The following SYTL2 variants were observed in gnomAD, a reference collection of about 807,000 sequenced individuals.
The protein encoded by SYTL2 is synaptotagmin like 2, also known as synaptotagmin-like protein 2.
SYTL2 carries 165 observed loss-of-function variants against 198.7 expected under a neutral mutation model. The observed-to-expected ratio is 0.83, with a 90% CI of 0.73 to 0.94. The LOEUF is 0.94. Ranked by LOEUF, SYTL2 falls within the 40% of genes least tolerant of loss-of-function variation. The pLI, the probability that SYTL2 is intolerant of heterozygous loss-of-function variation, is 0.00. For missense variants in SYTL2, 2,835 were observed against 2,582.8 expected, an observed-to-expected ratio of 1.10 and a Z score of -2.12; for synonymous variants, 966 against 917.7, an observed-to-expected ratio of 1.05 and a Z score of -0.95.
intron 1 of SYTL2, among the ~76,000 whole-genome samples, chr11:85,783,027 T>C (rs566933742): frequency 6.6e-6 from 1 of 152,374 alleles, no homozygotes; most frequent in South Asian, 2.1e-4. Context: ...CGCTTCCACA[T>C]TTTTGGATAT....
At chr11:85,768,471 T>C (rs2092290900) in intron 1 of SYTL2, among the ~76,000 whole-genome samples, 1 of 152,164 alleles carries the variant, frequency 6.6e-6, no homozygotes, top group Non-Finnish European at 1.5e-5. Flanking sequence ...AGGGTTACCA[T>C]GAGGATGACA....
the SYTL2 span, among the ~76,000 whole-genome samples, chr11:85,827,859 T>A: frequency 1.3e-5 from 2 of 152,206 alleles, no homozygotes; most frequent in Non-Finnish European, 2.9e-5. Flanking sequence ...ATCTAGGTAG[T>A]GATAAGAATG....
the SYTL2 span, among the ~76,000 whole-genome samples, chr11:85,816,567 G>A: frequency 6.6e-6 from 1 of 152,080 alleles, no homozygotes; most frequent in African/African-American, 2.4e-5. Flanking sequence ...CTGCATACAC[G>A]TGCAAAACAA....
At chr11:85,831,517 A>C in the SYTL2 span, among the ~76,000 whole-genome samples, 2 of 152,246 alleles carry the variant, frequency 1.3e-5, no homozygotes, top group Admixed American at 6.5e-5. Context: ...TTAAATGATC[A>C]AACTTGCTCC....
chr11:85,837,314 C>T, the SYTL2 span, among the ~76,000 whole-genome samples: 3 of 152,178 alleles, frequency 2.0e-5, no homozygotes, highest in Admixed American at 6.5e-5. Context: ...CTGCTATCTT[C>T]ATAAGAAGAG....
intron 12 of SYTL2, among the ~76,000 whole-genome samples, chr11:85,712,503 C>T (rs143367737): frequency 5.0e-4 from 76 of 152,176 alleles, no homozygotes; most frequent in Non-Finnish European, 8.8e-5. Context: ...ATTGCATTTC[C>T]ACTTTCTTTA....
chr11:85,714,395 T>C lies in SYTL2; in HGVS notation c.5625+18A>G. 6.3e-7 allele frequency: 1 copy of C among 1,594,578 alleles called. No homozygotes were observed. The highest frequency in any genetic ancestry group is 8.6e-7 in the Non-Finnish European group (1 of 1,162,450). ...CCCTCTGTCTCCATTTTTCTGAAGG[T>C]ACAAAAGACAAACTTGCCTCATCTT... On this transcript the variant is annotated intron_variant, in intron 12 of 19. Coordinates refer to ENST00000359152, the MANE Select transcript of SYTL2 (RefSeq NM_206927.4).
intron 1 of SYTL2, among the ~76,000 whole-genome samples, chr11:85,805,081 T>A (rs1281298394): frequency 6.6e-6 from 1 of 152,140 alleles, no homozygotes; most frequent in Admixed American, 6.5e-5. Context: ...TATAGACACA[T>A]GGAGGGAATT....
chr11:85,731,547 C>G (rs1295969139), intron 7 of SYTL2, among the ~76,000 whole-genome samples: 1 of 152,162 alleles, frequency 6.6e-6, no homozygotes, highest in Non-Finnish European at 1.5e-5. Context: ...AAAACTGAAA[C>G]TGGACCCCTT....
At chr11:85,716,308 G>GT (rs1481287085) in intron 11 of SYTL2, 1 of 152,208 alleles carries the variant, frequency 6.6e-6, no homozygotes, top group African/African-American at 2.4e-5. Flanking sequence ...CAGAAGGCTT[G>GT]TTTCATCTGC....
chr11:85,700,901 T>G (rs2084189343), intron 16 of SYTL2, among the ~76,000 whole-genome samples: 1 of 152,218 alleles, frequency 6.6e-6, no homozygotes, highest in South Asian at 2.1e-4. Context: ...AATGCTTTAA[T>G]TTTGATCAAA....
At chr11:85,787,190 G>C (rs1328076957) in intron 1 of SYTL2, among the ~76,000 whole-genome samples, 1 of 152,154 alleles carries the variant, frequency 6.6e-6, no homozygotes, top group East Asian at 1.9e-4. Context: ...TCTTGTGCCA[G>C]CTTATTTCTC....
chr11:85,710,989 G>T, intron 13 of SYTL2, 124 bp downstream of exon 13: 2 of 1,047,710 alleles, frequency 1.9e-6, no homozygotes, highest in Non-Finnish European at 2.7e-6. Context: ...GCTAATTATG[G>T]ATTAGAGAAA....
chr11:85,773,273 A>G (rs1056018909), intron 1 of SYTL2, among the ~76,000 whole-genome samples: 1 of 93,506 alleles, frequency 1.1e-5, no homozygotes, highest in African/African-American at 4.2e-5. Flanking sequence ...TCAGCGTTAC[A>G]TTAGCCCCTC....
At chr11:85,787,343 T>A (rs1053482462) in intron 1 of SYTL2, among the ~76,000 whole-genome samples, 7 of 152,216 alleles carry the variant, frequency 4.6e-5, no homozygotes, top group Non-Finnish European at 8.8e-5. Context: ...CACCCTTCCA[T>A]AGATACTTCC....
In SYTL2 at chr11:85,725,157, G is replaced by A. The variant is rs780043333; in HGVS notation, c.4201C>T (p.Pro1401Ser). ...VGPGEVNPEF[P>S]EAVQPVCSPL... is the part of the protein sequence containing the mutation. ...CTACATACTGGCTGTACTGCTTCAG[G>A]AAATTCTGGGTTCACTTCTCCAGGA... The change falls in exon 8 of 20, where the codon CCT (proline) becomes TCT (serine). Residue 1401 changes from proline to serine, a missense_variant. Coordinates refer to ENST00000359152, the MANE Select transcript of SYTL2 (RefSeq NM_206927.4). 6.8e-6 allele frequency: 11 copies of A among 1,613,960 alleles called. No homozygotes were observed. Among genetic ancestry groups the A allele is most frequent in the African/African-American group, 1.3e-5 (1 of 74,914 alleles).
At chr11:85,777,304 A>T (rs542879256) in intron 1 of SYTL2, among the ~76,000 whole-genome samples, 1 of 152,326 alleles carries the variant, frequency 6.6e-6, no homozygotes, top group Admixed American at 6.5e-5. Context: ...AATCTGTACC[A>T]CTGAGTGAAG....
rs1379122335 is a variant in SYTL2, at chr11:85,733,838, A to C, written c.1390+101T>G. 1.2e-5 allele frequency: 10 copies of C among 866,220 alleles called. 1 individual carries two copies. The highest frequency in any genetic ancestry group is 1.8e-5 in the Non-Finnish European group (10 of 547,934). 53.7% of individuals were successfully genotyped at this position (866,220 alleles called of 1,614,324 possible). A position where few individuals can be genotyped will look rare whatever the true frequency, so the allele number is the denominator to read the frequency against. ...ATGGTCTCGATCTCCTGACCTCATG[A>C]TCCACCCGCCTCGGCCTCCCAAAGT... is the stretch of plus-strand genomic sequence containing the variant. On this transcript the variant is annotated intron_variant, in intron 7 of 19. Transcript: ENST00000359152.
At chr11:85,849,554 C>G in the SYTL2 span, among the ~76,000 whole-genome samples, 7 of 151,980 alleles carry the variant, frequency 4.6e-5, no homozygotes, top group African/African-American at 1.2e-4. Flanking sequence ...ATCCTTTCCC[C>G]ATTGCTTGTT....
Sources: gnomAD v4.1 joint callset for allele counts (sites outside exome capture counted in the v4.1 genomes callset) on GRCh38, gnomAD v4.1.1 for gene constraint, MANE v1.5 for transcripts, NCBI Gene and HGNC (gene_info 2026-07-23, HGNC 2026-07-21) for gene names.